The following ZMYND11 variants were observed in gnomAD, a reference collection of about 807,000 sequenced individuals.
The protein encoded by ZMYND11 is zinc finger MYND-type containing 11.
In ZMYND11, 9 loss-of-function variants were observed where a neutral mutation model predicts 84.9. The ratio of observed to expected loss-of-function variants is 0.11; its 90% CI spans 0.06 to 0.18. The LOEUF is 0.18. Ranked by LOEUF, ZMYND11 falls within the 10% of genes least tolerant of loss-of-function variation. ZMYND11 has a pLI of 1.00. For missense variants in ZMYND11, 409 were observed against 761.0 expected, an observed-to-expected ratio of 0.54 and a Z score of 5.44; for synonymous variants, 250 against 244.1, an observed-to-expected ratio of 1.02 and a Z score of -0.23.
At chr10:199,874 C>CT (rs1056139480) in intron 2 of ZMYND11, among the ~76,000 whole-genome samples, 2 of 88,452 alleles carry the variant, frequency 2.3e-5, no homozygotes, top group Admixed American at 1.0e-4. Flanking sequence ...ACATTTTTTT[C>CT]TTTTTTTTGA....
rs1459748889 is a variant in ZMYND11, at chr10:252,731, T to G, written c.*261T>G. On this transcript the variant is annotated 3_prime_UTR_variant, in exon 15 of 15. Transcript: ENST00000381604. The surrounding 1 kb of genome is among the most constrained non-coding windows in gnomAD (Gnocchi z 4.6). ...GAATTTGTTGCATTTTCAGCAAATT[T>G]TAAAACATTTTTAGGTTTTACAGAG... 1 of 322,526 alleles carries G rather than the reference T, an allele frequency of 3.1e-6. No individual in the cohort carries two copies. The highest frequency in any genetic ancestry group is 5.6e-6 in the Non-Finnish European group (1 of 178,372). 20.0% of individuals were successfully genotyped at this position (322,526 alleles called of 1,614,324 possible).
chr10:198,430 TGAAAG>T, intron 2 of ZMYND11, among the ~76,000 whole-genome samples: 1 of 152,104 alleles, frequency 6.6e-6, no homozygotes, highest in East Asian at 1.9e-4. Flanking sequence ...AAAATATAAT[TGAAAG>T]GAAGGGATTT....
At chr10:229,786 C>T (rs1425496143) in intron 4 of ZMYND11, among the ~76,000 whole-genome samples, 1 of 152,222 alleles carries the variant, frequency 6.6e-6, no homozygotes, top group Admixed American at 6.5e-5. Flanking sequence ...CTCATCACCA[C>T]TTCCGCTGGA....
chr10:227,265 C>G (rs1948294482), intron 4 of ZMYND11, among the ~76,000 whole-genome samples: 1 of 152,172 alleles, frequency 6.6e-6, no homozygotes, highest in Admixed American at 6.5e-5. Flanking sequence ...GGAACTATTC[C>G]TAAAATTTAT....
intron 11 of ZMYND11, 71 bp downstream of exon 11, chr10:247,044 C>T: frequency 1.4e-6 from 2 of 1,402,416 alleles, no homozygotes; most frequent in Non-Finnish European, 9.9e-7. Context: ...GTGCACACTC[C>T]TCACTGTAAT....
intron 4 of ZMYND11, among the ~76,000 whole-genome samples, chr10:225,003 GA>G (rs1191922820): frequency 6.6e-6 from 1 of 151,780 alleles, no homozygotes; most frequent in Admixed American, 6.5e-5. Context: ...AATTTTCCAG[GA>G]AAAAAATAAG....
At chr10:184,918 C>A (rs932893746) in intron 2 of ZMYND11, among the ~76,000 whole-genome samples, 1 of 151,746 alleles carries the variant, frequency 6.6e-6, no homozygotes, top group Non-Finnish European at 1.5e-5. Flanking sequence ...TGTGGAATCA[C>A]CTTTTCTTAT....
At chr10:180,660 A>G (rs1035727985) in intron 2 of ZMYND11, among the ~76,000 whole-genome samples, 3 of 152,222 alleles carry the variant, frequency 2.0e-5, no homozygotes, top group African/African-American at 7.2e-5. Context: ...TGGCGTCCCA[A>G]AGTGCTGGGA....
intron 1 of ZMYND11, among the ~76,000 whole-genome samples, chr10:165,926 A>G (rs1843902802): frequency 6.6e-6 from 1 of 152,144 alleles, no homozygotes; most frequent in Non-Finnish European, 1.5e-5. Flanking sequence ...CTAGTGGAAT[A>G]GAATTTAGAG....
At chr10:219,020 ACTTT>A (rs1946675294) in intron 3 of ZMYND11, among the ~76,000 whole-genome samples, 1 of 152,164 alleles carries the variant, frequency 6.6e-6, no homozygotes, top group African/African-American at 2.4e-5. Flanking sequence ...CCCAGCCCAT[ACTTT>A]CTGTCTGAGA....
At chr10:217,709 G>A (rs988708045) in intron 3 of ZMYND11, among the ~76,000 whole-genome samples, 5 of 152,064 alleles carry the variant, frequency 3.3e-5, no homozygotes, top group South Asian at 2.1e-4. Flanking sequence ...AGGCACTCCC[G>A]TAAGGACTGT....
chr10:221,060 CTT>C (rs1947068035), intron 3 of ZMYND11, 133 bp from the exon 4 acceptor site: 5 of 762,994 alleles, frequency 6.6e-6, no homozygotes, highest in African/African-American at 3.5e-5. Context: ...TATTTTCCCT[CTT>C]GTTTTAACAC....
Position 193,590 on chromosome 10 carries a change from A to G in ZMYND11, c.116+13462A>G, listed in dbSNP as rs113386726. On this transcript the variant is annotated intron_variant, in intron 2 of 14. Coordinates refer to ENST00000381604, the MANE Select transcript of ZMYND11 (RefSeq NM_001370100.5). The stretch of plus-strand genomic sequence containing the variant: ...AGCTTGAAATCGTTAATAAAACCAG[A>G]CTAATAGCTCTGCTGTTAACCAGCT... 1.3e-3 allele frequency among the ~76,000 whole-genome samples: 191 copies of G among 152,304 alleles called. 2 individuals are homozygous for G. The highest frequency in any genetic ancestry group is 4.5e-3 in the African/African-American group (186 of 41,568).
chr10:191,140 G>A (rs1043963836), intron 2 of ZMYND11, among the ~76,000 whole-genome samples: 12 of 152,140 alleles, frequency 7.9e-5, no homozygotes, highest in African/African-American at 2.9e-4. Flanking sequence ...GAAAAGCACT[G>A]TGCTTTATAT....
chr10:147,997 T>C (rs1229503872), intron 1 of ZMYND11: 1 of 152,312 alleles, frequency 6.6e-6, no homozygotes, highest in African/African-American at 2.4e-5. Context: ...AGATCAACCG[T>C]CCTGGGGTTA....
At chr10:177,148 C>T (rs182487390) in intron 1 of ZMYND11, among the ~76,000 whole-genome samples, 2 of 152,160 alleles carry the variant, frequency 1.3e-5, no homozygotes, top group South Asian at 2.1e-4. Flanking sequence ...GTGTGTAACA[C>T]GCATATATGA....
chr10:197,247 T>C (rs1161901675), intron 2 of ZMYND11, among the ~76,000 whole-genome samples: 1 of 151,158 alleles, frequency 6.6e-6, no homozygotes, highest in Non-Finnish European at 1.5e-5. Flanking sequence ...TACATACGCA[T>C]GGAAGGTGGA....
chr10:237,221 G>T (rs1322908770), intron 5 of ZMYND11, among the ~76,000 whole-genome samples: 1 of 152,174 alleles, frequency 6.6e-6, no homozygotes, highest in Non-Finnish European at 1.5e-5. Flanking sequence ...TCTTTAAAAT[G>T]AAAGGCAATT....
chr10:187,284 A>G (rs993543357), intron 2 of ZMYND11, among the ~76,000 whole-genome samples: 3 of 152,180 alleles, frequency 2.0e-5, no homozygotes, highest in Non-Finnish European at 2.9e-5. Flanking sequence ...AGAAGGTAGT[A>G]GGGAAGGTAC....
Sources: gnomAD v4.1 joint callset for allele counts (sites outside exome capture counted in the v4.1 genomes callset) on GRCh38, gnomAD v4.1.1 for gene constraint, Gnocchi (gnomAD v3.1) non-coding constraint, MANE v1.5 for transcripts, NCBI Gene and HGNC (gene_info 2026-07-23, HGNC 2026-07-21) for gene names.